Variants in PAK3 observed in about 807,000 individuals in gnomAD.
PAK3 encodes the protein p21 (RAC1) activated kinase 3.
In PAK3, 4 loss-of-function variants were observed where a neutral mutation model predicts 41.0. The ratio of observed to expected loss-of-function variants is 0.10; its 90% CI spans 0.05 to 0.22. PAK3 has a LOEUF of 0.22. Ranked by LOEUF, PAK3 falls within the 10% of genes least tolerant of loss-of-function variation. The pLI, the probability that PAK3 is intolerant of heterozygous loss-of-function variation, is 1.00. For missense variants in PAK3, 205 were observed against 409.9 expected, an observed-to-expected ratio of 0.50 and a Z score of 4.32; for synonymous variants, 146 against 139.6, an observed-to-expected ratio of 1.05 and a Z score of -0.32.
chrX:111,220,908 A>C lies in PAK3; in HGVS notation c.*461A>C, dbSNP rs1158732765. 1.9e-5 allele frequency: 2 copies of C among 106,231 alleles called. No homozygotes were observed. The highest frequency in any genetic ancestry group is 1.9e-5 in the Non-Finnish European group (1 of 52,191). 8.8% of individuals were successfully genotyped at this position (106,231 alleles called of 1,213,427 possible). A position where few individuals can be genotyped will look rare whatever the true frequency, so the allele number is the denominator to read the frequency against. On this transcript the variant is annotated 3_prime_UTR_variant, in exon 18 of 18. Coordinates refer to ENST00000372007, the MANE Select transcript of PAK3 (RefSeq NM_002578.5). ...TGTCCAGAAAAAAAAAAGATGTCAA[A>C]ATGTTTTTCTAAAAAAAGAAAGCAA...
In PAK3 at chrX:111,216,423, A is replaced by G. The variant is rs1336317436; in HGVS notation, c.1410A>G (p.Ala470=). 1 of 1,180,241 alleles carries G rather than the reference A, an allele frequency of 8.5e-7. No homozygotes were observed. Among genetic ancestry groups the G allele is most frequent in the Non-Finnish European group, 1.2e-6 (1 of 866,915 alleles). ...PPYLNENPLR[A]LYLIATNGTP... is the part of the protein sequence containing the mutation. The stretch of plus-strand genomic sequence containing the variant: ...GATTTTTCTATTTTTTTCTACAGGC[A>G]TTGTATCTGATAGCCACTAATGGAA... Residue 470 remains alanine, a splice_region_variant and synonymous_variant, in exon 17 of 18, where the codon GCA becomes GCG. Transcript: ENST00000372007.
In PAK3 at chrX:111,088,023, A is replaced by G. The variant is rs181950114; in HGVS notation, c.-27-35054A>G. Among the ~76,000 whole-genome samples the G allele has an allele frequency of 9.0e-5, 10 of 110,929 alleles. No individual in the cohort carries two copies. The East Asian group carries it at 2.6e-3, about 28-fold the overall frequency. ...CAGTGGTTCCCAAATTTTGCTGCACATCGGAATCTGAGATTAGAACCTGAG... is the reference window on the plus strand; with the variant it reads ...CAGTGGTTCCCAAATTTTGCTGCACGTCGGAATCTGAGATTAGAACCTGAG... On this transcript the variant is annotated intron_variant, in intron 1 of 14. Transcript: ENST00000425146.
chrX:111,038,223 G>A (rs988090283), intron 1 of PAK3, among the ~76,000 whole-genome samples: 1 of 112,135 alleles, frequency 8.9e-6, no homozygotes, highest in Non-Finnish European at 1.9e-5. Flanking sequence ...AGGAAGCAAG[G>A]ATCAGGTTAG....
In PAK3 at chrX:111,155,399, G is replaced by A. The variant is rs143599133; in HGVS notation, c.468+2952G>A. 6.9e-3 allele frequency among the ~76,000 whole-genome samples: 758 copies of A among 109,319 alleles called. 5 individuals are homozygous for A. Among genetic ancestry groups the A allele is most frequent in the African/African-American group, 0.024 (715 of 29,917 alleles). 94.9% of individuals were successfully genotyped at this position (109,319 alleles called of 115,157 possible). ...ACCTGCAGTCCCAACTACTTTGGAGGCTGAGGTGGGAGGATCACTTGAGCC... is the reference window on the plus strand; with the variant it reads ...ACCTGCAGTCCCAACTACTTTGGAGACTGAGGTGGGAGGATCACTTGAGCC... On this transcript the variant is annotated intron_variant, in intron 8 of 17. Coordinates refer to ENST00000372007, the MANE Select transcript of PAK3 (RefSeq NM_002578.5).
intron 1 of PAK3, among the ~76,000 whole-genome samples, chrX:110,946,766 G>T (rs1443177030): frequency 1.8e-5 from 2 of 112,397 alleles, no homozygotes; most frequent in Non-Finnish European, 3.8e-5. Context: ...AAGAAAATAT[G>T]AAAATGCTAG....
intron 1 of PAK3, among the ~76,000 whole-genome samples, chrX:111,037,106 G>A (rs979329451): frequency 9.0e-6 from 1 of 110,794 alleles, no homozygotes; most frequent in Non-Finnish European, 1.9e-5. Flanking sequence ...CACCATGCCC[G>A]GCTAGCTTTT....
intron 1 of PAK3, among the ~76,000 whole-genome samples, chrX:111,057,325 C>T (rs770931488): frequency 2.7e-5 from 3 of 111,829 alleles, no homozygotes; most frequent in Non-Finnish European, 3.8e-5. Flanking sequence ...ATATAATTTA[C>T]AATGCATATC....
At chrX:111,083,927 G>C (rs977494027) in intron 1 of PAK3, among the ~76,000 whole-genome samples, 1 of 112,743 alleles carries the variant, frequency 8.9e-6, no homozygotes, top group Admixed American at 9.4e-5. Flanking sequence ...GCATTGAACA[G>C]AGAGTGGTGA....
At position 111,224,599 on chromosome X, in the gene PAK3, C is replaced by T. The variant is rs1043777182; in HGVS notation, c.*4152C>T. On this transcript the variant is annotated 3_prime_UTR_variant, in exon 18 of 18. Coordinates refer to ENST00000372007, the MANE Select transcript of PAK3 (RefSeq NM_002578.5). Reference sequence around the variant, plus strand: ...ATGTAGGACTGTCTCTGCCTGTTGGCATTCAGTTATAGTTCTGTTAATTTT... The same window carrying T: ...ATGTAGGACTGTCTCTGCCTGTTGGTATTCAGTTATAGTTCTGTTAATTTT... The T allele has an allele frequency of 2.7e-5, 3 of 112,609 alleles. No homozygotes were observed. Among genetic ancestry groups the T allele is most frequent in the Admixed American group, 9.4e-5 (1 of 10,636 alleles). The allele number at this position is 112,609 out of a possible 1,213,427, so 9.3% of individuals were successfully genotyped here. A position where few individuals can be genotyped will look rare whatever the true frequency, so the allele number is the denominator to read the frequency against.
At chrX:111,154,682 C>T (rs1462405277) in intron 8 of PAK3, among the ~76,000 whole-genome samples, 1 of 111,065 alleles carries the variant, frequency 9.0e-6, no homozygotes, top group Non-Finnish European at 1.9e-5. Flanking sequence ...TCTGACTGGC[C>T]ATTTCCTTTT....
chrX:111,021,279 G>A (rs1234563283), intron 1 of PAK3, among the ~76,000 whole-genome samples: 1 of 111,978 alleles, frequency 8.9e-6, no homozygotes, highest in Admixed American at 9.4e-5. Context: ...CCCTCACAGA[G>A]TCCATTTTAC....
At chrX:111,100,166 G>A (rs1043113763) in intron 3 of PAK3, among the ~76,000 whole-genome samples, 5 of 110,118 alleles carry the variant, frequency 4.5e-5, no homozygotes, top group Admixed American at 9.6e-5. Context: ...GGTGGGTGGC[G>A]TATATTCACT....
intron 1 of PAK3, among the ~76,000 whole-genome samples, chrX:111,077,568 C>T (rs2092796838): frequency 8.9e-6 from 1 of 111,847 alleles, no homozygotes; most frequent in African/African-American, 3.2e-5. Flanking sequence ...AAAGAACAGT[C>T]TCCTTAATAA....
At chrX:110,997,858 T>A (rs1310158013) in intron 1 of PAK3, among the ~76,000 whole-genome samples, 1 of 110,893 alleles carries the variant, frequency 9.0e-6, no homozygotes, top group African/African-American at 3.3e-5. Flanking sequence ...AAAAGAGACC[T>A]GAGAGTGACC....
At chrX:111,072,380 A>T (rs957083597) in intron 1 of PAK3, among the ~76,000 whole-genome samples, 3 of 112,991 alleles carry the variant, frequency 2.7e-5, no homozygotes, top group African/African-American at 9.6e-5. Context: ...GCAACAAAGC[A>T]TATGAATAGT....
intron 1 of PAK3, among the ~76,000 whole-genome samples, chrX:111,058,156 T>G (rs1037085293): frequency 4.5e-5 from 5 of 112,220 alleles, no homozygotes; most frequent in African/African-American, 1.6e-4. Context: ...ATACAAGTTT[T>G]TGTGTGGGCG....
intron 7 of PAK3, among the ~76,000 whole-genome samples, chrX:111,148,368 A>G (rs1415950440): frequency 1.8e-5 from 2 of 112,134 alleles, no homozygotes; most frequent in African/African-American, 6.5e-5. Flanking sequence ...ATGTGTGACT[A>G]TTTTTAGAAA....
rs192520742 is a variant in PAK3, at chrX:110,991,349, T to C, written c.-28+46721T>C. Among the ~76,000 whole-genome samples the C allele has an allele frequency of 3.4e-3, 376 of 111,686 alleles. 6 individuals are homozygous for C. The highest frequency in any genetic ancestry group is 0.033 in the Admixed American group (349 of 10,511). ...ATTAGTACTCAATAAATGTTAGCTA[T>C]CATCATCATCACCAGTTTTCATCTT... On this transcript the variant is annotated intron_variant, in intron 1 of 14. Coordinates refer to the PAK3 transcript ENST00000425146.
intron 1 of PAK3, among the ~76,000 whole-genome samples, chrX:111,031,704 C>T: frequency 8.9e-6 from 1 of 111,848 alleles, no homozygotes; most frequent in Non-Finnish European, 1.9e-5. Context: ...TCATTTTCAA[C>T]TTTTGCCCTC....
Sources: allele counts gnomAD v4.1 joint callset (sites outside exome capture counted in the v4.1 genomes callset), GRCh38; gene constraint gnomAD v4.1.1; transcripts MANE v1.5; gene names NCBI Gene and HGNC (gene_info 2026-07-23, HGNC 2026-07-21).